Variants in CFAP299 observed in about 807,000 individuals in gnomAD.
CFAP299 encodes the protein cilia and flagella associated protein 299.
Under a neutral mutation model 27.0 loss-of-function variants are expected in CFAP299, and 21 were observed. The ratio of observed to expected loss-of-function variants is 0.78; its 90% CI spans 0.55 to 1.12. The LOEUF (loss-of-function observed/expected upper bound fraction) is 1.12. Among genes scored for constraint, CFAP299 ranks in the 50% most tolerant of loss-of-function variants. The pLI, the probability that CFAP299 is intolerant of heterozygous loss-of-function variation, is 0.00. For synonymous variants in CFAP299, 104 were observed against 98.1 expected (o/e 1.06, Z -0.36); for missense variants, 310 against 276.6 (o/e 1.12, Z -0.86).
At chr4:80,334,251 T>A (rs184633490), upstream of CFAP299, among the ~76,000 whole-genome samples, 374 of 152,336 alleles carry the variant, frequency 2.5e-3, 3 homozygotes, top group African/African-American at 8.5e-3. Flanking sequence ...GAACAATATA[T>A]AGCCAAACCA....
At chr4:80,350,747 C>T (rs1432823317) in intron 1 of CFAP299, among the ~76,000 whole-genome samples, 1 of 151,952 alleles carries the variant, frequency 6.6e-6, no homozygotes. Flanking sequence ...AACGCACGGA[C>T]ACACAGAGGG....
intron 2 of CFAP299, among the ~76,000 whole-genome samples, chr4:80,419,143 G>T (rs1004042835): frequency 6.6e-6 from 1 of 152,190 alleles, no homozygotes; most frequent in Admixed American, 6.5e-5. Flanking sequence ...AAGAGCGAAA[G>T]TTTGCTAAAA....
At chr4:80,498,016 C>T (rs182808947) in intron 2 of CFAP299, among the ~76,000 whole-genome samples, 3 of 152,176 alleles carry the variant, frequency 2.0e-5, no homozygotes, top group Non-Finnish European at 2.9e-5. Flanking sequence ...GGAAAAGATT[C>T]CCATTCAGTA....
intron 3 of CFAP299, among the ~76,000 whole-genome samples, chr4:80,737,175 A>AG (rs1006657282): frequency 1.7e-5 from 1 of 57,790 alleles, no homozygotes; most frequent in Non-Finnish European, 3.5e-5. Context: ...GGTTGGGGGG[A>AG]GGGGGGAGGG....
chr4:80,397,422 A>T (rs1337563413), intron 2 of CFAP299, among the ~76,000 whole-genome samples: 1 of 152,034 alleles, frequency 6.6e-6, no homozygotes, highest in Non-Finnish European at 1.5e-5. Flanking sequence ...GCCTTGTGCT[A>T]GCTTTTGAAT....
chr4:80,658,685 CCTCT>C (rs1373505111), intron 3 of CFAP299, among the ~76,000 whole-genome samples: 1 of 152,102 alleles, frequency 6.6e-6, no homozygotes, highest in Non-Finnish European at 1.5e-5. Flanking sequence ...TAAGTGGTTT[CCTCT>C]CTATTTCATC....
intron 3 of CFAP299, among the ~76,000 whole-genome samples, chr4:80,738,011 T>C (rs1041612038): frequency 6.6e-6 from 1 of 152,144 alleles, no homozygotes; most frequent in African/African-American, 2.4e-5. Context: ...AGCGTATTGT[T>C]TAATTCTAGT....
chr4:80,831,757 A>G (rs150532566), intron 3 of CFAP299, among the ~76,000 whole-genome samples: 1 of 152,286 alleles, frequency 6.6e-6, no homozygotes, highest in East Asian at 1.9e-4. Flanking sequence ...AATGTATACA[A>G]CTGATACTAC....
intron 3 of CFAP299, among the ~76,000 whole-genome samples, chr4:80,673,091 A>G (rs1741595202): frequency 6.6e-6 from 1 of 151,902 alleles, no homozygotes; most frequent in Non-Finnish European, 1.5e-5. Context: ...AGTTCTTTTA[A>G]TTGTGATATT....
intron 3 of CFAP299, among the ~76,000 whole-genome samples, chr4:80,800,551 AAT>A (rs1728479301): frequency 3.3e-5 from 1 of 30,062 alleles, no homozygotes; most frequent in Non-Finnish European, 4.6e-5. Context: ...ATAATATATC[AAT>A]ATATTATATA....
At chr4:80,806,625 A>G (rs545466529) in intron 3 of CFAP299, among the ~76,000 whole-genome samples, 2 of 152,358 alleles carry the variant, frequency 1.3e-5, no homozygotes, top group South Asian at 2.1e-4. Flanking sequence ...AAGACAATTC[A>G]TTCCTATTAT....
intron 2 of CFAP299, among the ~76,000 whole-genome samples, chr4:80,576,640 T>G (rs1735881429): frequency 6.6e-6 from 1 of 152,160 alleles, no homozygotes; most frequent in Admixed American, 6.5e-5. Context: ...ATAGATGTGT[T>G]TGTTTGTTTT....
At chr4:80,420,869 A>C (rs1411140053) in intron 2 of CFAP299, among the ~76,000 whole-genome samples, 1 of 152,134 alleles carries the variant, frequency 6.6e-6, no homozygotes. Flanking sequence ...CCCACTTCAC[A>C]CATCAATTTT....
intron 2 of CFAP299, among the ~76,000 whole-genome samples, chr4:80,446,412 A>G (rs1295562014): frequency 6.6e-6 from 1 of 152,256 alleles, no homozygotes; most frequent in Admixed American, 6.5e-5. Flanking sequence ...GCCAACAGCA[A>G]TCTCAGAAAT....
At chr4:80,868,089 A>C (rs759769421) in intron 3 of CFAP299, among the ~76,000 whole-genome samples, 1 of 152,204 alleles carries the variant, frequency 6.6e-6, no homozygotes, top group Non-Finnish European at 1.5e-5. Flanking sequence ...ATTCCAGAAC[A>C]TCACAACACT....
At chr4:80,462,921 T>A (rs1230846190) in intron 2 of CFAP299, among the ~76,000 whole-genome samples, 1 of 152,150 alleles carries the variant, frequency 6.6e-6, no homozygotes, top group East Asian at 1.9e-4. Context: ...TCTAGAATAT[T>A]GGAGAATGAG....
At chr4:80,755,993 A>C (rs1725216691) in intron 3 of CFAP299, among the ~76,000 whole-genome samples, 1 of 152,124 alleles carries the variant, frequency 6.6e-6, no homozygotes, top group Non-Finnish European at 1.5e-5. Flanking sequence ...TGAAGTGAAT[A>C]GTGTATATAC....
intron 2 of CFAP299, chr4:80,388,325 C>A: frequency 4.4e-6 from 3 of 685,580 alleles, no homozygotes; most frequent in Non-Finnish European, 8.1e-6. Flanking sequence ...CAAGATGTTC[C>A]CCTGGATCAG....
At chr4:80,325,380 A>T in the CFAP299 span, among the ~76,000 whole-genome samples, 2 of 152,306 alleles carry the variant, frequency 1.3e-5, no homozygotes, top group East Asian at 1.9e-4. Context: ...ACAACTTTTC[A>T]TTTTTATTAA....
Sources: gnomAD v4.1 joint callset for allele counts (sites outside exome capture counted in the v4.1 genomes callset) on GRCh38, gnomAD v4.1.1 for gene constraint, MANE v1.5 for transcripts, NCBI Gene and HGNC (gene_info 2026-07-23, HGNC 2026-07-21) for gene names.